The following TTC29 variants were observed in gnomAD, a reference collection of about 807,000 sequenced individuals.
TTC29 encodes tetratricopeptide repeat protein 29.
Under a neutral mutation model 58.1 loss-of-function variants are expected in TTC29, and 49 were observed. The ratio of observed to expected loss-of-function variants is 0.84; its 90% CI spans 0.67 to 1.07. The LOEUF (loss-of-function observed/expected upper bound fraction) is 1.07, where lower values mean the gene tolerates loss of function less well. TTC29 is among the 50% of genes least tolerant of loss of function. The pLI is 0.00. For missense variants in TTC29, 582 were observed against 555.6 expected, an observed-to-expected ratio of 1.05 and a Z score of -0.48; for synonymous variants, 209 against 196.8, an observed-to-expected ratio of 1.06 and a Z score of -0.52.
chr4:146,921,504 A>C (rs1365746721), intron 4 of TTC29, among the ~76,000 whole-genome samples: 2 of 151,214 alleles, frequency 1.3e-5, no homozygotes, highest in Admixed American at 6.6e-5. Flanking sequence ...AAATACCAAC[A>C]AAAAGAAAGC....
intron 6 of TTC29, among the ~76,000 whole-genome samples, chr4:146,877,635 G>A (rs1731355433): frequency 6.6e-6 from 1 of 152,130 alleles, no homozygotes; most frequent in African/African-American, 2.4e-5. Context: ...TGCCTATGAA[G>A]TATAGCACTG....
chr4:146,707,177 T>A lies in TTC29; in HGVS notation c.1409A>T (p.Asp470Val). 1 of 1,527,256 alleles carries A rather than the reference T, an allele frequency of 6.5e-7. No individual in the cohort carries two copies. Among genetic ancestry groups the A allele is most frequent in the Non-Finnish European group, 8.8e-7 (1 of 1,133,730 alleles). The allele number at this position is 1,527,256 out of a possible 1,614,324, so 94.6% of individuals were successfully genotyped here. Residue 470 changes from aspartate (D) to valine (V), a missense_variant, in exon 13 of 13, where the codon GAT (aspartate) becomes GTT (valine). Coordinates refer to ENST00000325106, the MANE Select transcript of TTC29 (RefSeq NM_031956.4). ...RLEELSRFPG[D>V]QKNET ...GCTGCTTTAAGTTTCATTTTTTTGATCACCTGGAAACCTGAAATAAAATAA... is the reference window on the plus strand; with the variant it reads ...GCTGCTTTAAGTTTCATTTTTTTGAACACCTGGAAACCTGAAATAAAATAA...
At chr4:146,718,245 T>A (rs1475066240) in intron 11 of TTC29, among the ~76,000 whole-genome samples, 1 of 152,160 alleles carries the variant, frequency 6.6e-6, no homozygotes, top group Middle Eastern at 3.2e-3. Flanking sequence ...AGAAGTAGGA[T>A]TGCTGTATCA....
chr4:146,878,010 G>A (rs1049346891), intron 6 of TTC29, among the ~76,000 whole-genome samples: 14 of 152,028 alleles, frequency 9.2e-5, no homozygotes, highest in African/African-American at 3.4e-4. Flanking sequence ...GTGGAGGGAA[G>A]GCTGGGGCTG....
At chr4:146,923,210 A>G (rs986323209) in intron 4 of TTC29, among the ~76,000 whole-genome samples, 4 of 151,872 alleles carry the variant, frequency 2.6e-5, no homozygotes, top group African/African-American at 7.2e-5. Flanking sequence ...ATTTGCCCTC[A>G]CTTTTAATTG....
At chr4:146,708,737 A>G (rs1742253760) in intron 11 of TTC29, among the ~76,000 whole-genome samples, 1 of 151,982 alleles carries the variant, frequency 6.6e-6, no homozygotes. Flanking sequence ...GAAATTCCTG[A>G]AAGAGTTCCA....
At chr4:146,856,168 C>T (rs760228780) in intron 8 of TTC29, among the ~76,000 whole-genome samples, 1 of 152,084 alleles carries the variant, frequency 6.6e-6, no homozygotes, top group Non-Finnish European at 1.5e-5. Context: ...TCTTAGGATG[C>T]GCTAAATAAA....
chr4:146,777,772 T>C (rs1333841910), intron 11 of TTC29, among the ~76,000 whole-genome samples: 2 of 152,208 alleles, frequency 1.3e-5, no homozygotes, highest in Non-Finnish European at 2.9e-5. Flanking sequence ...TTAGAGTCCT[T>C]GAGTTATCAA....
At chr4:146,751,291 A>G (rs1283976703) in intron 11 of TTC29, among the ~76,000 whole-genome samples, 2 of 152,248 alleles carry the variant, frequency 1.3e-5, no homozygotes, top group African/African-American at 4.8e-5. Context: ...CCCACTTTAA[A>G]TGGATAAATC....
At chr4:146,893,664 A>G (rs1358214930) in intron 6 of TTC29, among the ~76,000 whole-genome samples, 3 of 152,188 alleles carry the variant, frequency 2.0e-5, no homozygotes, top group East Asian at 3.9e-4. Flanking sequence ...AATGGCAACA[A>G]AAGCCAAAAT....
At chr4:146,934,468 G>C (rs1735611036) in intron 4 of TTC29, 1 of 152,196 alleles carries the variant, frequency 6.6e-6, no homozygotes, top group African/African-American at 2.4e-5. Flanking sequence ...TGGGATGTCT[G>C]TGATATATCC....
chr4:146,917,009 T>A (rs2150297031), intron 4 of TTC29, among the ~76,000 whole-genome samples: 1 of 151,388 alleles, frequency 6.6e-6, no homozygotes, highest in South Asian at 2.1e-4. Context: ...TTTTTATTAA[T>A]CCAAATAAAA....
intron 8 of TTC29, among the ~76,000 whole-genome samples, chr4:146,852,654 G>A (rs10004243): frequency 0.64 from 97,781 of 152,132 alleles, 33,207 homozygotes; most frequent in African/African-American, 0.86. Flanking sequence ...GCTCCCTATT[G>A]TAAGAATGGC....
intron 11 of TTC29, among the ~76,000 whole-genome samples, chr4:146,795,981 C>T (rs1467689457): frequency 6.6e-6 from 1 of 152,174 alleles, no homozygotes; most frequent in African/African-American, 2.4e-5. Context: ...CTGAGTTCTC[C>T]AACTCTTCCT....
intron 9 of TTC29, among the ~76,000 whole-genome samples, chr4:146,826,778 C>T (rs1475443798): frequency 6.6e-6 from 1 of 151,922 alleles, no homozygotes; most frequent in Non-Finnish European, 1.5e-5. Flanking sequence ...TTTATGAAGT[C>T]CCATATTTCT....
chr4:146,804,541 T>C (rs1421563941), intron 10 of TTC29, among the ~76,000 whole-genome samples: 2 of 152,098 alleles, frequency 1.3e-5, no homozygotes, highest in African/African-American at 4.8e-5. Flanking sequence ...TGCTCGAAGT[T>C]GGTGGGGGGA....
At chr4:146,775,255 T>C (rs1748004306) in intron 11 of TTC29, among the ~76,000 whole-genome samples, 1 of 152,214 alleles carries the variant, frequency 6.6e-6, no homozygotes. Context: ...TATTCAAGAT[T>C]AACATTGATA....
At chr4:146,808,637 T>G (rs1205561279) in intron 10 of TTC29, among the ~76,000 whole-genome samples, 1 of 152,148 alleles carries the variant, frequency 6.6e-6, no homozygotes, top group Non-Finnish European at 1.5e-5. Context: ...CCATTCACAA[T>G]TGCTACAAAG....
chr4:146,817,271 A>T (rs13147082), intron 10 of TTC29, among the ~76,000 whole-genome samples: 1 of 151,996 alleles, frequency 6.6e-6, no homozygotes, highest in Non-Finnish European at 1.5e-5. Context: ...AATCACAAGC[A>T]TTCTTATACA....
Sources: gnomAD v4.1 joint callset for allele counts (sites outside exome capture counted in the v4.1 genomes callset) on GRCh38, gnomAD v4.1.1 for gene constraint, MANE v1.5 for transcripts, NCBI Gene and HGNC (gene_info 2026-07-23, HGNC 2026-07-21) for gene names.